The following GRIA1 variants were observed in gnomAD, a reference collection of about 807,000 sequenced individuals.
GRIA1 encodes the protein glutamate ionotropic receptor AMPA type subunit 1, also known as glutamate receptor 1.
GRIA1 carries 31 observed loss-of-function variants against 99.2 expected under a neutral mutation model. The observed-to-expected ratio is 0.31, with a 90% CI of 0.23 to 0.42. GRIA1 has a LOEUF of 0.42. Ranked by LOEUF, GRIA1 falls within the 10% of genes least tolerant of loss-of-function variation. The probability of loss-of-function intolerance (pLI) is 1.00; values close to 1 mark genes in which losing one functional copy is unlikely to be tolerated. For synonymous variants in GRIA1, 438 were observed against 432.4 expected (o/e 1.01, Z -0.16); for missense variants, 782 against 1,157.5 (o/e 0.68, Z 4.71).
rs556691743 is a variant in GRIA1, at chr5:153,568,692, CCTCA to C, written c.220+74630_220+74633del. On this transcript the variant is annotated intron_variant, in intron 2 of 15. Coordinates refer to ENST00000285900, the MANE Select transcript of GRIA1 (RefSeq NM_000827.4). The stretch of plus-strand genomic sequence containing the variant: ...CTGCAGCCACCACCTTTGTCTTTAC[CCTCA>C]CTAATTTGTACCTAGCTTATTATAG... Among the ~76,000 whole-genome samples, 479 of 152,112 alleles carry C rather than the reference CCTCA, an allele frequency of 3.1e-3. 7 individuals carry two copies. The highest frequency in any genetic ancestry group is 0.012 in the South Asian group (57 of 4,818).
At chr5:153,636,840 T>C (rs543748692) in intron 2 of GRIA1, among the ~76,000 whole-genome samples, 5 of 152,354 alleles carry the variant, frequency 3.3e-5, no homozygotes, top group Non-Finnish European at 7.3e-5. Context: ...GTGTTGGCTG[T>C]TATTATTATC....
intron 5 of GRIA1, among the ~76,000 whole-genome samples, chr5:153,660,084 A>G (rs1048952132): frequency 2.0e-5 from 3 of 152,208 alleles, no homozygotes; most frequent in Non-Finnish European, 4.4e-5. Context: ...GAGACATTAC[A>G]TGACTGAGCT....
intron 13 of GRIA1, among the ~76,000 whole-genome samples, chr5:153,784,161 A>G (rs1764822143): frequency 6.6e-6 from 1 of 152,162 alleles, no homozygotes; most frequent in South Asian, 2.1e-4. Context: ...ACTGAGGTAC[A>G]GTTAGGGTCA....
At position 153,493,991 on chromosome 5, in the gene GRIA1, T is replaced by G; in HGVS notation, c.146T>G (p.Leu49Arg). 4.3e-6 allele frequency: 7 copies of G among 1,614,050 alleles called. No homozygotes were observed. Among genetic ancestry groups the G allele is most frequent in the Non-Finnish European group, 5.9e-6 (7 of 1,179,942 alleles). Reference protein sequence around the residue: ...HAAFRFALSQLTEPPKLLPQI... With the variant: ...HAAFRFALSQRTEPPKLLPQI... ...GCTTTTAGATTTGCTTTGTCGCAAC[T>G]CACAGAGCCCCCGAAGCTGCTCCCC... The change falls in exon 2 of 16, where the codon CTC becomes CGC. Residue 49 changes from leucine to arginine, a missense_variant. Physicochemically the swap from Leu to Arg is moderately radical, Grantham distance 102. Transcript: ENST00000285900.
intron 11 of GRIA1, among the ~76,000 whole-genome samples, chr5:153,728,789 C>T (rs1331820500): frequency 1.0e-5 from 1 of 98,742 alleles, no homozygotes; most frequent in African/African-American, 4.4e-5. Flanking sequence ...GTTGGTTGGA[C>T]TGTAAACTAG....
chr5:153,585,890 C>T (rs143427196), intron 2 of GRIA1, among the ~76,000 whole-genome samples: 32 of 152,098 alleles, frequency 2.1e-4, no homozygotes, highest in African/African-American at 7.7e-4. Context: ...GTTTTAGTGT[C>T]ATCCTACACA....
chr5:153,772,129 A>G (rs1763922698), intron 13 of GRIA1, among the ~76,000 whole-genome samples: 1 of 152,198 alleles, frequency 6.6e-6, no homozygotes, highest in African/African-American at 2.4e-5. Flanking sequence ...ATAGATAAAA[A>G]TCAGCAGCTG....
intron 11 of GRIA1, among the ~76,000 whole-genome samples, chr5:153,722,772 G>C (rs949069151): frequency 2.6e-5 from 4 of 152,206 alleles, no homozygotes; most frequent in Non-Finnish European, 5.9e-5. Flanking sequence ...GGTACGGGGT[G>C]TAGAAGGGAT....
At chr5:153,731,226 T>TTCTC (rs372671407) in intron 11 of GRIA1, among the ~76,000 whole-genome samples, 3,319 of 149,492 alleles carry the variant, frequency 0.022, 76 homozygotes, top group Middle Eastern at 0.052. Flanking sequence ...CTGTCTCTCT[T>TTCTC]TCTCTCTCTC....
At chr5:153,710,021 G>A (rs914153297) in intron 11 of GRIA1, among the ~76,000 whole-genome samples, 7 of 152,112 alleles carry the variant, frequency 4.6e-5, no homozygotes, top group Admixed American at 1.3e-4. Context: ...GTATGCCAGC[G>A]AATGCTACTG....
At chr5:153,540,806 A>G (rs1030909783) in intron 2 of GRIA1, among the ~76,000 whole-genome samples, 4 of 152,188 alleles carry the variant, frequency 2.6e-5, no homozygotes, top group African/African-American at 7.2e-5. Context: ...AAAAAAGGAG[A>G]AAAACCCAGT....
chr5:153,770,027 G>T (rs907510418), intron 12 of GRIA1, 141 bp from the exon 13 acceptor site: 5 of 781,976 alleles, frequency 6.4e-6, no homozygotes, highest in Admixed American at 2.3e-5. Context: ...CTCTTATTTT[G>T]CAATCACTCA....
At chr5:153,782,437 A>G (rs1764691832) in intron 13 of GRIA1, among the ~76,000 whole-genome samples, 1 of 152,218 alleles carries the variant, frequency 6.6e-6, no homozygotes, top group African/African-American at 2.4e-5. Flanking sequence ...ATTCCAGTCT[A>G]ATGTTGACAT....
intron 2 of GRIA1, 50 bp downstream of exon 2, chr5:153,494,115 A>C: frequency 6.3e-7 from 1 of 1,585,442 alleles, no homozygotes; most frequent in South Asian, 1.1e-5. Flanking sequence ...TAGACCAATG[A>C]AAGGAGGGCC....
At position 153,698,070 on chromosome 5, in the gene GRIA1, G is replaced by T. The variant is rs781595034; in HGVS notation, c.1161G>T (p.Lys387Asn). Residue 387 changes from lysine to asparagine, a missense_variant, in exon 9 of 16, where the codon AAG becomes AAT. Lys to Asn is a moderately conservative substitution (Grantham distance 94). Coordinates refer to ENST00000285900, the MANE Select transcript of GRIA1 (RefSeq NM_000827.4). ...RKIGYWNEDD[K>N]FVPAATDAQA... is the part of the protein sequence containing the mutation. ...TTGGTTACTGGAATGAAGATGATAAGTTTGTCCCTGCAGCCACCGATGCCC... is the reference window on the plus strand; with the variant it reads ...TTGGTTACTGGAATGAAGATGATAATTTTGTCCCTGCAGCCACCGATGCCC... 1.9e-6 allele frequency: 3 copies of T among 1,607,962 alleles called. No individual in the cohort carries two copies. In the South Asian group the frequency reaches 3.3e-5, roughly 18 times the overall value.
At chr5:153,726,510 G>A (rs1364464655) in intron 11 of GRIA1, among the ~76,000 whole-genome samples, 1 of 151,402 alleles carries the variant, frequency 6.6e-6, no homozygotes, top group Non-Finnish European at 1.5e-5. Context: ...TAATAAAGAA[G>A]AAAAGAGAGA....
chr5:153,798,402 C>G (rs899977648), intron 14 of GRIA1, among the ~76,000 whole-genome samples: 3 of 152,166 alleles, frequency 2.0e-5, no homozygotes, highest in Non-Finnish European at 4.4e-5. Context: ...CCCTAAAAGG[C>G]TAAGTCAGAT....
chr5:153,718,727 C>T (rs547112065), intron 11 of GRIA1, among the ~76,000 whole-genome samples: 1 of 152,130 alleles, frequency 6.6e-6, no homozygotes, highest in African/African-American at 2.4e-5. Flanking sequence ...ATCCCTGGTC[C>T]CCCACCAATC....
At chr5:153,778,394 G>A (rs1408707692) in intron 13 of GRIA1, among the ~76,000 whole-genome samples, 1 of 151,970 alleles carries the variant, frequency 6.6e-6, no homozygotes, top group Non-Finnish European at 1.5e-5. Context: ...TTTTAGGGGT[G>A]GTGATAAGAC....
Sources: gnomAD v4.1 joint callset for allele counts (sites outside exome capture counted in the v4.1 genomes callset) on GRCh38, gnomAD v4.1.1 for gene constraint, MANE v1.5 for transcripts, NCBI Gene and HGNC (gene_info 2026-07-23, HGNC 2026-07-21) for gene names.